Variants in FCRL5 observed in about 807,000 individuals in gnomAD.
FCRL5 encodes Fc receptor-like protein 5.
FCRL5 carries 79 observed loss-of-function variants against 92.1 expected under a neutral mutation model. That is an observed-to-expected ratio of 0.86 (90% CI 0.72 to 1.03). FCRL5 has a LOEUF of 1.03. Among genes scored for constraint, FCRL5 ranks in the 50% least tolerant of loss-of-function variants. The probability of loss-of-function intolerance (pLI) is 0.00; values close to 1 mark genes in which losing one functional copy is unlikely to be tolerated. For missense variants in FCRL5, 1,160 were observed against 1,181.1 expected (o/e 0.98, Z 0.26); for synonymous variants, 466 against 469.3 (o/e 0.99, Z 0.09).
At chr1:157,518,911 A>C in intron 13 of FCRL5, 129 bp from the exon 14 acceptor site, 1 of 625,594 alleles carries the variant, frequency 1.6e-6, no homozygotes, top group Non-Finnish European at 2.8e-6. Flanking sequence ...GTACATAACA[A>C]ACTGACCATG....
intron 7 of FCRL5, among the ~76,000 whole-genome samples, chr1:157,538,289 G>A (rs146159801): frequency 6.6e-6 from 1 of 152,170 alleles, no homozygotes; most frequent in African/African-American, 2.4e-5. Flanking sequence ...TGGTATTATT[G>A]TTTTACAGGA....
At chr1:157,523,208 G>T (rs778315702) in intron 10 of FCRL5, among the ~76,000 whole-genome samples, 6 of 152,186 alleles carry the variant, frequency 3.9e-5, no homozygotes, top group African/African-American at 1.4e-4. Context: ...TGTATATTTT[G>T]CTTTACATGA....
At chr1:157,516,068 C>T in intron 15 of FCRL5, 195 bp from the exon 16 acceptor site, 1 of 664,572 alleles carries the variant, frequency 1.5e-6, no homozygotes, top group Non-Finnish European at 2.7e-6. Flanking sequence ...ACTGACAGAC[C>T]CTCTCTTCAA....
chr1:157,552,287 C>G, intron 1 of FCRL5, 45 bp downstream of exon 1: 1 of 1,600,212 alleles, frequency 6.2e-7, no homozygotes, highest in Non-Finnish European at 8.6e-7. Flanking sequence ...GAGAGAGAAG[C>G]TGTCCCGATC....
At chr1:157,533,784 T>G (rs1375358144) in intron 8 of FCRL5, 1 of 149,132 alleles carries the variant, frequency 6.7e-6, no homozygotes, top group African/African-American at 2.6e-5. Flanking sequence ...GTCTAGAAGC[T>G]TCCTAGTAGA....
In FCRL5 at chr1:157,515,686, G is replaced by A; in HGVS notation, c.2923C>T (p.Pro975Ser). The change falls in exon 17 of 17, where the codon CCT (proline) becomes TCT (serine). Residue 975 changes from proline to serine, a missense_variant. Physicochemically the swap from Pro to Ser is moderately conservative, Grantham distance 74 (BLOSUM62 -1). Coordinates refer to ENST00000361835, the MANE Select transcript of FCRL5 (RefSeq NM_031281.3). ...SGSLFLASSA[P>S]HR ...AGAGACGTGTGGACTCATCTGTGAG[G>A]AGCTGAGGAAGCCAAGAACAGGGAT... 6.2e-7 allele frequency: 1 copy of A among 1,614,188 alleles called. No homozygotes were observed. The highest frequency in any genetic ancestry group is 1.3e-5 in the African/African-American group (1 of 75,044).
chr1:157,544,165 T>A, intron 5 of FCRL5, 97 bp downstream of exon 5: 1 of 1,333,244 alleles, frequency 7.5e-7, no homozygotes, highest in Non-Finnish European at 1.1e-6. Context: ...CAGGTACGAG[T>A]TTTTTCTACA....
At position 157,544,286 on chromosome 1, in the gene FCRL5, G is replaced by A. The variant is rs1341680146; in HGVS notation, c.820C>T (p.Pro274Ser). The A allele has an allele frequency of 6.2e-7, 1 of 1,614,004 alleles. No individual in the cohort carries two copies. The highest frequency in any genetic ancestry group is 8.5e-7 in the Non-Finnish European group (1 of 1,180,002). Residue 274 changes from proline to serine, a missense_variant, in exon 5 of 17, where the codon CCG (proline) becomes TCG (serine). Coordinates refer to ENST00000361835, the MANE Select transcript of FCRL5 (RefSeq NM_031281.3). ...TMPYSVISDS[P>S]RSWIQVQIPA... ...CTCTGCACCTGTATCCAGGATCTCG[G>A]GCTGTCAGATATGACGCTGTAAGGC... is the stretch of plus-strand genomic sequence containing the variant.
At position 157,515,068 on chromosome 1, in the gene FCRL5, G is replaced by T. The variant is rs1649858561; in HGVS notation, c.*607C>A. ...CAGGTAGACACTGACACATGAGCAGGAGAGAAGTTACCTTGGTGTCAAGTG... is the reference window on the plus strand; with the variant it reads ...CAGGTAGACACTGACACATGAGCAGTAGAGAAGTTACCTTGGTGTCAAGTG... On this transcript the variant is annotated 3_prime_UTR_variant, in exon 17 of 17. Transcript: ENST00000361835. 1 of 159,842 alleles carries T rather than the reference G, an allele frequency of 6.3e-6. No homozygotes were observed. Among genetic ancestry groups the T allele is most frequent in the Admixed American group, 5.8e-5 (1 of 17,378 alleles). The allele number at this position is 159,842 out of a possible 1,614,324, so 9.9% of individuals were successfully genotyped here. A position where few individuals can be genotyped will look rare whatever the true frequency, so the allele number is the denominator to read the frequency against.
Position 157,547,130 on chromosome 1 carries a change from C to T in FCRL5, c.120G>A (p.Val40=). ...PWTTVFQGER[V]TLTCKGFRFY... ...AGCGAAATCCCTTGCAAGTGAGGGTCACTCTCTCTCCTTGGAAGACTGTGG... is the reference window on the plus strand; with the variant it reads ...AGCGAAATCCCTTGCAAGTGAGGGTTACTCTCTCTCCTTGGAAGACTGTGG... The change falls in exon 3 of 17, where the codon GTG becomes GTA. Residue 40 remains valine, a synonymous_variant. Transcript: ENST00000361835. 1.9e-6 allele frequency: 3 copies of T among 1,614,116 alleles called. No individual in the cohort carries two copies. Among genetic ancestry groups the T allele is most frequent in the Non-Finnish European group, 1.7e-6 (2 of 1,180,004 alleles).
At chr1:157,531,181 A>G (rs1321279090) in intron 8 of FCRL5, among the ~76,000 whole-genome samples, 1 of 152,242 alleles carries the variant, frequency 6.6e-6, no homozygotes, top group Non-Finnish European at 1.5e-5. Flanking sequence ...ACATTTCTCT[A>G]AAGAAGACAT....
At chr1:157,534,965 G>A in intron 7 of FCRL5, 73 bp from the exon 8 acceptor site, 1 of 1,407,042 alleles carries the variant, frequency 7.1e-7, no homozygotes, top group Non-Finnish European at 9.6e-7. Context: ...GGCCAGTGCA[G>A]ATGCCCAGTC....
intron 8 of FCRL5, among the ~76,000 whole-genome samples, chr1:157,530,678 A>G (rs1242194524): frequency 6.6e-6 from 1 of 152,256 alleles, no homozygotes; most frequent in African/African-American, 2.4e-5. Flanking sequence ...TATTCTTAAC[A>G]ATGACAAAGT....
At chr1:157,535,485 G>A (rs923779061) in intron 7 of FCRL5, among the ~76,000 whole-genome samples, 1 of 152,146 alleles carries the variant, frequency 6.6e-6, no homozygotes, top group African/African-American at 2.4e-5. Flanking sequence ...TCTGTGGACA[G>A]ACTTCTGGAA....
chr1:157,517,244 C>A (rs1649971412), intron 15 of FCRL5, among the ~76,000 whole-genome samples: 1 of 152,172 alleles, frequency 6.6e-6, no homozygotes, highest in Non-Finnish European at 1.5e-5. Context: ...AGCTGCTCAA[C>A]CCTCTGCAGT....
Position 157,527,803 on chromosome 1 carries a change from C to T in FCRL5, c.1774G>A (p.Gly592Ser), listed in dbSNP as rs1650503276. Reference sequence around the variant, plus strand: ...AACCAGTACAGGATTGGGGGAGAGCCTCTCGGGGCCTCACAGTGAAGCTCC... The same window carrying T: ...AACCAGTACAGGATTGGGGGAGAGCTTCTCGGGGCCTCACAGTGAAGCTCC... ...LLELHCEAPR[G>S]SPPILYWFYH... Residue 592 changes from glycine to serine, a missense_variant, in exon 9 of 17, where the codon GGC becomes AGC. Transcript: ENST00000361835. The T allele has an allele frequency of 3.7e-6, 6 of 1,613,698 alleles. No individual in the cohort carries two copies. The highest frequency in any genetic ancestry group is 5.1e-6 in the Non-Finnish European group (6 of 1,179,734).
chr1:157,534,462 C>T (rs1426457176), intron 8 of FCRL5, 152 bp downstream of exon 8: 57 of 886,524 alleles, frequency 6.4e-5, no homozygotes, highest in African/African-American at 2.3e-4. Flanking sequence ...CTTATGAGTA[C>T]GGAAAACCCC....
intron 10 of FCRL5, chr1:157,522,239 G>A (rs973465424): frequency 6.6e-6 from 1 of 152,116 alleles, no homozygotes; most frequent in Non-Finnish European, 1.5e-5. Context: ...TTCAATATTG[G>A]CCCTTTTGTA....
chr1:157,517,751 C>G (rs142759923), intron 15 of FCRL5, among the ~76,000 whole-genome samples: 3 of 152,154 alleles, frequency 2.0e-5, no homozygotes, highest in Non-Finnish European at 4.4e-5. Flanking sequence ...TCATTTGTCA[C>G]AGCAGCAATC....
Sources: allele counts gnomAD v4.1 joint callset (sites outside exome capture counted in the v4.1 genomes callset), GRCh38; gene constraint gnomAD v4.1.1; transcripts MANE v1.5; gene names NCBI Gene and HGNC (gene_info 2026-07-23, HGNC 2026-07-21).